The following LIPA variants were observed in gnomAD, a reference collection of about 807,000 sequenced individuals.
LIPA encodes the protein lysosomal acid lipase/cholesteryl ester hydrolase.
Under a neutral mutation model 40.6 loss-of-function variants are expected in LIPA, and 26 were observed. The ratio of observed to expected loss-of-function variants is 0.64; its 90% CI spans 0.47 to 0.89. LIPA has a LOEUF of 0.89. LIPA is among the 40% of genes least tolerant of loss of function. The probability of loss-of-function intolerance (pLI) is 0.00; values close to 1 mark genes in which losing one functional copy is unlikely to be tolerated. For missense variants in LIPA, 455 were observed against 479.6 expected, an observed-to-expected ratio of 0.95 and a Z score of 0.48; for synonymous variants, 188 against 168.4, an observed-to-expected ratio of 1.12 and a Z score of -0.90.
chr10:89,243,630 AGGG>A lies in LIPA; in HGVS notation c.229+2043_229+2045del, dbSNP rs542955671. Among the ~76,000 whole-genome samples, 349 of 152,124 alleles carry A rather than the reference AGGG, an allele frequency of 2.3e-3. 2 individuals carry two copies. The highest frequency in any genetic ancestry group is 8.1e-3 in the African/African-American group (338 of 41,518). ...GAAAAAACAAAGCACACAAGAAGTC[AGGG>A]GCAAACCCAGGTGTAGCACCAAGGT... On this transcript the variant is annotated intron_variant, in intron 3 of 9. Transcript: ENST00000336233.
intron 1 of LIPA, among the ~76,000 whole-genome samples, chr10:89,296,338 A>C (rs1390928978): frequency 6.6e-6 from 1 of 151,992 alleles, no homozygotes; most frequent in African/African-American, 2.4e-5. Context: ...TACTAAAAAT[A>C]CAAAAATCAG....
intron 1 of LIPA, among the ~76,000 whole-genome samples, chr10:89,301,199 T>C (rs1378919902): frequency 6.6e-6 from 1 of 152,226 alleles, no homozygotes; most frequent in East Asian, 1.9e-4. Context: ...GAAGCTGATT[T>C]CAAATCCAGA....
At chr10:89,323,903 C>T (rs1310729544) in intron 1 of LIPA, among the ~76,000 whole-genome samples, 2 of 152,200 alleles carry the variant, frequency 1.3e-5, no homozygotes, top group Non-Finnish European at 2.9e-5. Context: ...CAATGACAGT[C>T]TTCATAGAAT....
intron 2 of LIPA, among the ~76,000 whole-genome samples, chr10:89,382,390 T>G (rs907640895): frequency 6.6e-6 from 1 of 152,252 alleles, no homozygotes; most frequent in African/African-American, 2.4e-5. Flanking sequence ...TTTCTTTTTC[T>G]TCCTTCATGT....
intron 2 of LIPA, among the ~76,000 whole-genome samples, chr10:89,396,555 A>C (rs1474696526): frequency 6.6e-6 from 1 of 152,208 alleles, no homozygotes; most frequent in Admixed American, 6.5e-5. Context: ...CACAAGAATG[A>C]GAATTCACTC....
intron 1 of LIPA, among the ~76,000 whole-genome samples, chr10:89,313,601 T>A (rs933171033): frequency 2.0e-5 from 3 of 152,208 alleles, no homozygotes; most frequent in African/African-American, 7.2e-5. Context: ...TGCATGAATG[T>A]TCATAGCTGT....
At chr10:89,355,349 A>G (rs1025059961) in intron 2 of LIPA, among the ~76,000 whole-genome samples, 1 of 152,218 alleles carries the variant, frequency 6.6e-6, no homozygotes, top group Admixed American at 6.5e-5. Flanking sequence ...GAAAGGCAAG[A>G]TGGGGGTTGG....
intron 1 of LIPA, among the ~76,000 whole-genome samples, chr10:89,277,356 T>C (rs1843293710): frequency 6.6e-6 from 1 of 152,230 alleles, no homozygotes; most frequent in Non-Finnish European, 1.5e-5. Context: ...TCACAATATA[T>C]ATCATAAAGC....
At chr10:89,343,977 T>C (rs796810902), upstream of LIPA, among the ~76,000 whole-genome samples, 32 of 152,368 alleles carry the variant, frequency 2.1e-4, no homozygotes, top group African/African-American at 7.5e-4. Flanking sequence ...GCCTTGGCTT[T>C]GGGTTTAGAC....
At chr10:89,393,751 A>C (rs368849046) in intron 2 of LIPA, among the ~76,000 whole-genome samples, 3 of 152,234 alleles carry the variant, frequency 2.0e-5, no homozygotes, top group African/African-American at 2.4e-5. Context: ...AACAAACAAA[A>C]AATCCATTAC....
chr10:89,227,962 C>A (rs899894400), intron 4 of LIPA, among the ~76,000 whole-genome samples: 1 of 152,146 alleles, frequency 6.6e-6, no homozygotes, highest in Non-Finnish European at 1.5e-5. Context: ...ACCAGAAATG[C>A]CGAAGTAACT....
At chr10:89,380,291 T>C (rs1844153596) in intron 2 of LIPA, among the ~76,000 whole-genome samples, 2 of 152,114 alleles carry the variant, frequency 1.3e-5, no homozygotes, top group South Asian at 4.1e-4. Context: ...AGCTCCTCCT[T>C]CCATTCATGC....
chr10:89,245,458 T>A (rs190151744), intron 3 of LIPA, among the ~76,000 whole-genome samples: 1 of 152,306 alleles, frequency 6.6e-6, no homozygotes, highest in East Asian at 1.9e-4. Context: ...TTTTAGCATA[T>A]CCTCAAATGA....
upstream of LIPA, among the ~76,000 whole-genome samples, chr10:89,345,292 G>A (rs1391765152): frequency 6.6e-6 from 1 of 151,530 alleles, no homozygotes; most frequent in Non-Finnish European, 1.5e-5. Flanking sequence ...ACTTTGGGAG[G>A]CTGAGGTGAG....
rs879487966 is a variant in LIPA, at chr10:89,248,448, ATT to A, written c.-1-801_-1-800del. ...TTATTATTATTATTATTTTATATTT[ATT>A]TATTTATTTATTTATTTATTTATTT... On this transcript the variant is annotated intron_variant, in intron 1 of 9. Transcript: ENST00000336233. Among the ~76,000 whole-genome samples, 525 of 68,106 alleles carry A rather than the reference ATT, an allele frequency of 7.7e-3. 4 individuals are homozygous for A. Among genetic ancestry groups the A allele is most frequent in the African/African-American group, 0.023 (472 of 20,318 alleles). 44.7% of individuals were successfully genotyped at this position (68,106 alleles called of 152,430 possible).
chr10:89,267,759 A>G (rs1287699998), intron 1 of LIPA, among the ~76,000 whole-genome samples: 2 of 151,806 alleles, frequency 1.3e-5, no homozygotes, highest in Non-Finnish European at 2.9e-5. Context: ...TAAAAAAAAA[A>G]AAAAGAAAGA....
At chr10:89,248,373 G>A (rs1353684831) in intron 1 of LIPA, among the ~76,000 whole-genome samples, 1 of 150,502 alleles carries the variant, frequency 6.6e-6, no homozygotes, top group African/African-American at 2.4e-5. Context: ...TATTGGCAAG[G>A]CTGGTCTCAG....
intron 2 of LIPA, among the ~76,000 whole-genome samples, chr10:89,379,205 C>T (rs762021237): frequency 6.6e-6 from 1 of 152,118 alleles, no homozygotes. Context: ...ATGAAATTTG[C>T]TTTTCACTGA....
chr10:89,328,209 C>A, intron 1 of LIPA: 1 of 950,700 alleles, frequency 1.1e-6, no homozygotes, highest in Non-Finnish European at 1.6e-6. Flanking sequence ...TCAGTCTGAG[C>A]ATTTGTAAGA....
Sources: allele counts gnomAD v4.1 joint callset (sites outside exome capture counted in the v4.1 genomes callset), GRCh38; gene constraint gnomAD v4.1.1; transcripts MANE v1.5; gene names NCBI Gene and HGNC (gene_info 2026-07-23, HGNC 2026-07-21).